Variants in NUCB1 observed in about 807,000 individuals in gnomAD.
The protein encoded by NUCB1 is nucleobindin-1.
In NUCB1, 47 loss-of-function variants were observed where a neutral mutation model predicts 61.2. The ratio of observed to expected loss-of-function variants is 0.77; its 90% CI spans 0.61 to 0.98. The LOEUF (loss-of-function observed/expected upper bound fraction) is 0.98, where lower values mean the gene tolerates loss of function less well. Among genes scored for constraint, NUCB1 ranks in the 50% least tolerant of loss-of-function variants. NUCB1 has a pLI of 0.00. For synonymous variants in NUCB1, 234 were observed against 243.1 expected, an observed-to-expected ratio of 0.96 and a Z score of 0.35; for missense variants, 583 against 605.3, an observed-to-expected ratio of 0.96 and a Z score of 0.39.
intron 7 of NUCB1, among the ~76,000 whole-genome samples, chr19:48,917,472 C>T (rs929288715): frequency 6.7e-6 from 1 of 148,378 alleles, no homozygotes. Flanking sequence ...CATAGGTGCA[C>T]ACCACCATGC....
rs555830728 is a variant in NUCB1, at chr19:48,907,679, G to A, written c.376+1794G>A. 1.7e-4 allele frequency among the ~76,000 whole-genome samples: 26 copies of A among 152,270 alleles called. No homozygotes were observed. In the South Asian group the frequency reaches 4.8e-3, roughly 28 times the overall value. On this transcript the variant is annotated intron_variant, in intron 4 of 12. Coordinates refer to ENST00000405315, the MANE Select transcript of NUCB1 (RefSeq NM_006184.6). ...GATCAGGATGTGGATATCTTTTAGG[G>A]CACCAGTATCCAGCTGCCACAACAC...
chr19:48,920,723 A>G (rs768444095), intron 10 of NUCB1, among the ~76,000 whole-genome samples: 1 of 152,048 alleles, frequency 6.6e-6, no homozygotes, highest in Non-Finnish European at 1.5e-5. Context: ...GGGTTTCTCC[A>G]TGTTGGTCAG....
At chr19:48,920,185 C>G (rs1205023165) in intron 10 of NUCB1, among the ~76,000 whole-genome samples, 2 of 151,958 alleles carry the variant, frequency 1.3e-5, no homozygotes, top group African/African-American at 4.8e-5. Context: ...CTGGGATTAC[C>G]CAGGCTGGAG....
chr19:48,909,983 A>G (rs2037454135), intron 4 of NUCB1, among the ~76,000 whole-genome samples: 1 of 152,202 alleles, frequency 6.6e-6, no homozygotes, highest in African/African-American at 2.4e-5. Flanking sequence ...TAGGACTTCA[A>G]CATAGAAACT....
rs368024479 is a variant in NUCB1 at position 48,911,133 on chromosome 19, C to G, written c.377-16C>G. The stretch of plus-strand genomic sequence containing the variant: ...AGAACATGCCCTCAGGTGTTGGACT[C>G]TTCCCTCTCTTCCAGATGTACAGGT... On this transcript the variant is annotated splice_polypyrimidine_tract_variant and intron_variant, in intron 4 of 12. Transcript: ENST00000405315. The G allele has an allele frequency of 2.5e-6, 4 of 1,586,512 alleles. No homozygotes were observed. Among genetic ancestry groups the G allele is most frequent in the Middle Eastern group, 1.7e-4 (1 of 6,040 alleles).
intron 7 of NUCB1, among the ~76,000 whole-genome samples, chr19:48,917,807 T>C (rs1224113541): frequency 1.6e-5 from 2 of 126,248 alleles, no homozygotes; most frequent in Non-Finnish European, 3.2e-5. Flanking sequence ...AATTTTTTAC[T>C]TTTTTTTTTT....
intron 6 of NUCB1, 45 bp from the exon 7 acceptor site, chr19:48,913,429 C>A: frequency 1.3e-6 from 2 of 1,523,122 alleles, no homozygotes; most frequent in Non-Finnish European, 1.8e-6. Flanking sequence ...TATCCCATGG[C>A]ATCCAGACTT....
chr19:48,917,806 C>CTTTTTTTTTTTT (rs60037055), intron 7 of NUCB1, among the ~76,000 whole-genome samples: 1 of 139,268 alleles, frequency 7.2e-6, no homozygotes. Context: ...CAATTTTTTA[C>CTTTTTTTTTTTT]TTTTTTTTTT....
chr19:48,917,834 G>T (rs55811210), intron 7 of NUCB1, among the ~76,000 whole-genome samples: 5,217 of 150,118 alleles, frequency 0.035, 294 homozygotes, highest in African/African-American at 0.12. Context: ...TAGAGACGGG[G>T]TCTAGCCATC....
Position 48,919,238 on chromosome 19 carries a change from C to G in NUCB1, c.954C>G (p.Leu318=). 6.2e-7 allele frequency: 1 copy of G among 1,613,920 alleles called. No homozygotes were observed. The highest frequency in any genetic ancestry group is 1.3e-5 in the African/African-American group (1 of 75,012). The change falls in exon 10 of 13, where the codon CTC becomes CTG. Residue 318 remains leucine, a synonymous_variant. Coordinates refer to ENST00000405315, the MANE Select transcript of NUCB1 (RefSeq NM_006184.6). ...GCCTCGTGACCCTGGAGGAGTTCCT[C>G]GCATCCACTCAGAGGAAGGAGTTTG... ...QDRLVTLEEF[L]ASTQRKEFGD... is the part of the protein sequence containing the mutation.
At chr19:48,912,180 G>A (rs746387075) in intron 5 of NUCB1, among the ~76,000 whole-genome samples, 4 of 151,592 alleles carry the variant, frequency 2.6e-5, no homozygotes, top group African/African-American at 4.8e-5. Flanking sequence ...GCAAGCCACC[G>A]CACCAGGCTA....
In NUCB1 at chr19:48,922,989, CCCTGATACCAGGAG is replaced by C. The variant is rs1243513872; in HGVS notation, c.*570_*583del. 2.0e-5 allele frequency: 3 copies of C among 152,748 alleles called. No homozygotes were observed. Among genetic ancestry groups the C allele is most frequent in the Non-Finnish European group, 2.9e-5 (2 of 68,458 alleles). The allele number at this position is 152,748 out of a possible 1,614,324, so 9.5% of individuals were successfully genotyped here. On this transcript the variant is annotated 3_prime_UTR_variant, in exon 13 of 13. Coordinates refer to ENST00000405315, the MANE Select transcript of NUCB1 (RefSeq NM_006184.6). ...GGGGATCCTCAGTATAGCCGGTGAA[CCCTGATACCAGGAG>C]CCTGGGCCTCCCTGAACCCCTGGCT...
chr19:48,908,718 A>AGGGG (rs200005424), intron 4 of NUCB1, among the ~76,000 whole-genome samples: 6 of 42,526 alleles, frequency 1.4e-4, no homozygotes, highest in South Asian at 1.1e-3. Flanking sequence ...CACTTGACCA[A>AGGGG]GGGGTGTGTG....
Position 48,921,889 on chromosome 19 carries a change from G to T in NUCB1, c.1236G>T (p.Pro412=). ...QQQQQQGHKA[P]AAHPEGQLKF... ...AGCAGCAGCAAGGCCACAAGGCCCC[G>T]GCTGCCCACCCTGAGGGGCAGCTCA... Residue 412 remains proline (P), a synonymous_variant, in exon 12 of 13, where the codon CCG becomes CCT. Coordinates refer to ENST00000405315, the MANE Select transcript of NUCB1 (RefSeq NM_006184.6). 6.2e-7 allele frequency: 1 copy of T among 1,611,944 alleles called. No individual in the cohort carries two copies. Among genetic ancestry groups the T allele is most frequent in the Non-Finnish European group, 8.5e-7 (1 of 1,179,542 alleles).
chr19:48,921,101 G>A, intron 10 of NUCB1, 53 bp from the exon 11 acceptor site: 1 of 1,540,884 alleles, frequency 6.5e-7, no homozygotes, highest in Non-Finnish European at 8.8e-7. Flanking sequence ...CTCCAACATG[G>A]GTGGGCCGAG....
intron 2 of NUCB1, 82 bp from the exon 3 acceptor site, chr19:48,904,265 G>C: frequency 1.2e-6 from 1 of 868,720 alleles, no homozygotes; most frequent in Non-Finnish European, 1.9e-6. Context: ...CTGCCCCAGG[G>C]AGCAGGCCAT....
intron 8 of NUCB1, 33 bp downstream of exon 8, chr19:48,918,817 G>A (rs772869737): frequency 8.8e-6 from 14 of 1,598,346 alleles, no homozygotes; most frequent in African/African-American, 5.4e-5. Context: ...GCACCTGGAG[G>A]GACGCCCAAA....
chr19:48,901,996 G>GCCCAGCCATGTGCATGC (rs1235762967), intron 2 of NUCB1, among the ~76,000 whole-genome samples: 4 of 152,160 alleles, frequency 2.6e-5, no homozygotes, highest in Non-Finnish European at 5.9e-5. Flanking sequence ...AGTTGTTAGG[G>GCCCAGCCATGTGCATGC]CCCAGCCATG....
intron 5 of NUCB1, 22 bp from the exon 6 acceptor site, chr19:48,912,989 A>G: frequency 6.3e-7 from 1 of 1,578,928 alleles, no homozygotes; most frequent in Non-Finnish European, 8.6e-7. Flanking sequence ...GCAGAGGGGA[A>G]TGACCCTGTG....
Sources: allele counts gnomAD v4.1 joint callset (sites outside exome capture counted in the v4.1 genomes callset), GRCh38; gene constraint gnomAD v4.1.1; transcripts MANE v1.5; gene names NCBI Gene and HGNC (gene_info 2026-07-23, HGNC 2026-07-21).